M6PR: variants seen among roughly 807,000 people sequenced by gnomAD.
M6PR encodes cation-dependent mannose-6-phosphate receptor.
Under a neutral mutation model 33.1 loss-of-function variants are expected in M6PR, and 19 were observed. That is an observed-to-expected ratio of 0.57 (90% CI 0.40 to 0.84). The LOEUF (loss-of-function observed/expected upper bound fraction) is 0.84, where lower values mean the gene tolerates loss of function less well. M6PR is among the 40% of genes least tolerant of loss of function. The pLI is 0.00. For missense variants in M6PR, 295 were observed against 336.0 expected (o/e 0.88, Z 0.95); for synonymous variants, 111 against 123.4 (o/e 0.90, Z 0.67).
intron 1 of M6PR, chr12:8,946,728 T>C (rs1341532792): frequency 9.9e-6 from 2 of 202,006 alleles, no homozygotes; most frequent in African/African-American, 4.6e-5. Flanking sequence ...CTTTACTGTT[T>C]GATGGCTTGA....
At position 8,945,518 on chromosome 12, in the gene M6PR, A is replaced by T; in HGVS notation, c.243T>A (p.Ala81=). 6.2e-7 allele frequency: 1 copy of T among 1,614,116 alleles called. No homozygotes were observed. Among genetic ancestry groups the T allele is most frequent in the African/African-American group, 1.3e-5 (1 of 75,020 alleles). Residue 81 remains alanine, a synonymous_variant, in exon 3 of 7, where the codon GCT becomes GCA. Transcript: ENST00000000412. ...YIYIFRVCRE[A]GNHTSGAGLV... ...GGCCTGCCCCAGAAGTGTGGTTGCC[A>T]GCTTCCCGGCACACCCTGAAGATGT...
intron 6 of M6PR, 180 bp from the exon 7 acceptor site, chr12:8,942,120 CT>C: frequency 1.3e-6 from 1 of 743,534 alleles, no homozygotes; most frequent in East Asian, 2.7e-5. Flanking sequence ...AAAGTTTCTT[CT>C]TATTAGGCCT....
intron 3 of M6PR, among the ~76,000 whole-genome samples, chr12:8,944,638 C>A (rs1805728): frequency 0.36 from 54,007 of 151,914 alleles, 10,086 homozygotes; most frequent in Admixed American, 0.42. Context: ...TTACATGGTC[C>A]TCTCCAGCAA....
At chr12:8,946,187 CAT>C (rs1304411238) in intron 2 of M6PR, 40 bp downstream of exon 2, 3 of 1,563,604 alleles carry the variant, frequency 1.9e-6, no homozygotes, top group Non-Finnish European at 2.6e-6. Flanking sequence ...AAGACTTTAA[CAT>C]AAATATTTTC....
intron 3 of M6PR, among the ~76,000 whole-genome samples, chr12:8,944,318 T>G (rs112572619): frequency 3.3e-5 from 5 of 152,340 alleles, no homozygotes; most frequent in African/African-American, 9.6e-5. Flanking sequence ...AGAGTGGATA[T>G]CTAAGATTGG....
chr12:8,945,995 A>G (rs1229344754), intron 2 of M6PR, among the ~76,000 whole-genome samples: 1 of 152,188 alleles, frequency 6.6e-6, no homozygotes, highest in Non-Finnish European at 1.5e-5. Flanking sequence ...CTAAAGTCCT[A>G]TTATATGTAG....
At chr12:8,942,244 G>A in intron 6 of M6PR, 172 bp downstream of exon 6, 3 of 812,756 alleles carry the variant, frequency 3.7e-6, no homozygotes, top group Admixed American at 2.7e-5. Context: ...AATGGATGCT[G>A]TGCCACTTAC....
In M6PR at chr12:8,949,019, C is replaced by T. The variant is rs1028824984; in HGVS notation, c.-2+469G>A. On this transcript the variant is annotated intron_variant, in intron 1 of 6. Coordinates refer to ENST00000000412, the MANE Select transcript of M6PR (RefSeq NM_002355.4). The surrounding 1 kb of genome is among the most constrained non-coding windows in gnomAD (Gnocchi z 5.6). ...CCACAACGAGGAACACAAGATAATCCGTCCATCAGCCATTCTTATCCACAC... is the reference window on the plus strand; with the variant it reads ...CCACAACGAGGAACACAAGATAATCTGTCCATCAGCCATTCTTATCCACAC... Among the ~76,000 whole-genome samples the T allele has an allele frequency of 1.3e-5, 2 of 152,186 alleles. No homozygotes were observed. Among genetic ancestry groups the T allele is most frequent in the Non-Finnish European group, 2.9e-5 (2 of 68,030 alleles).
Position 8,941,513 on chromosome 12 carries a change from C to T in M6PR, c.*305G>A. On this transcript the variant is annotated 3_prime_UTR_variant, in exon 7 of 7. Coordinates refer to ENST00000000412, the MANE Select transcript of M6PR (RefSeq NM_002355.4). ...AAACAAACGGCCAGTGAGCCTGCTA[C>T]ACCATTTTGCCCATATGCCTATTGT... The T allele has an allele frequency of 3.9e-6, 1 of 256,512 alleles. No homozygotes were observed. Among genetic ancestry groups the T allele is most frequent in the Non-Finnish European group, 7.4e-6 (1 of 135,192 alleles). 15.9% of individuals were successfully genotyped at this position (256,512 alleles called of 1,614,324 possible).
intron 3 of M6PR, among the ~76,000 whole-genome samples, chr12:8,944,691 T>C (rs945833736): frequency 3.3e-5 from 5 of 152,042 alleles, no homozygotes; most frequent in African/African-American, 1.2e-4. Context: ...CAAAAATCAG[T>C]GGGTAAAGTT....
intron 2 of M6PR, among the ~76,000 whole-genome samples, chr12:8,945,883 G>A (rs1339118964): frequency 2.6e-5 from 4 of 152,086 alleles, no homozygotes; most frequent in African/African-American, 7.2e-5. Flanking sequence ...CATGTTCATC[G>A]GATAGTCTCG....
chr12:8,942,052 T>C (rs1174776429), intron 6 of M6PR, 112 bp from the exon 7 acceptor site: 14 of 1,182,134 alleles, frequency 1.2e-5, no homozygotes, highest in Non-Finnish European at 1.7e-5. Context: ...ATAGGGATAA[T>C]GAGAAAACCT....
intron 3 of M6PR, among the ~76,000 whole-genome samples, chr12:8,945,046 T>C (rs939445119): frequency 6.6e-6 from 1 of 152,194 alleles, no homozygotes; most frequent in African/African-American, 2.4e-5. Context: ...TAGTCCCAGC[T>C]ACTCAGGAGG....
chr12:8,943,842 G>C lies in M6PR; in HGVS notation c.412C>G (p.Arg138Gly), dbSNP rs145135342. Residue 138 changes from arginine to glycine, a missense_variant, in exon 4 of 7, where the codon CGT becomes GGT. Transcript: ENST00000000412. ...TTGCAGGAGATCATCACCACTGCAC[G>C]ACGCTGCTCCTTGCCACAGTGGTTG... ...YDNHCGKEQR[R>G]AVVMISCNRH... is the part of the protein sequence containing the mutation. The C allele has an allele frequency of 6.8e-6, 11 of 1,613,474 alleles. No individual in the cohort carries two copies. Among genetic ancestry groups the C allele is most frequent in the Non-Finnish European group, 9.3e-6 (11 of 1,180,026 alleles).
chr12:8,942,577 T>C (rs1039931874), intron 5 of M6PR, 35 bp from the exon 6 acceptor site: 1 of 1,604,232 alleles, frequency 6.2e-7, no homozygotes, highest in Admixed American at 1.7e-5. Context: ...ACTTAAGAAC[T>C]GGGAAATAGT....
At chr12:8,943,945 G>T in intron 3 of M6PR, 35 bp from the exon 4 acceptor site, 1 of 1,429,414 alleles carries the variant, frequency 7.0e-7, no homozygotes, top group Non-Finnish European at 9.9e-7. Flanking sequence ...GCTATGGGGT[G>T]GGGGAAAAGC....
chr12:8,941,858 T>C lies in M6PR; in HGVS notation c.794A>G (p.Glu265Gly). The C allele has an allele frequency of 6.2e-7, 1 of 1,613,858 alleles. No individual in the cohort carries two copies. Among genetic ancestry groups the C allele is most frequent in the Non-Finnish European group, 8.5e-7 (1 of 1,179,964 alleles). The stretch of plus-strand genomic sequence containing the variant: ...ATGGTCATCCCTTTCTTCTGACTCC[T>C]CCCCCAGCTGGTCATCCCCCACACC... The part of the protein sequence containing the change: ...YRGVGDDQLG[E>G]ESEERDDHLL... The change falls in exon 7 of 7, where the codon GAG becomes GGG. Residue 265 changes from glutamate to glycine, a missense_variant. By Grantham distance (98) the Glu-to-Gly change is moderately conservative. Transcript: ENST00000000412.
In M6PR at chr12:8,942,472, C is replaced by G; in HGVS notation, c.655G>C (p.Gly219Arg). ...LYQRLVVGAKGMEQFPHLAFW... is the reference protein window; with the variant it reads ...LYQRLVVGAKRMEQFPHLAFW... The stretch of plus-strand genomic sequence containing the variant: ...GCTAAGTGGGGAAACTGCTCCATTC[C>G]TTTGGCTCCCACTACCAGTCGCTGG... Residue 219 changes from glycine to arginine, a missense_variant, in exon 6 of 7, where the codon GGA becomes CGA. Gly to Arg is a moderately radical substitution (Grantham distance 125). Coordinates refer to ENST00000000412, the MANE Select transcript of M6PR (RefSeq NM_002355.4). 1 of 1,614,216 alleles carries G rather than the reference C, an allele frequency of 6.2e-7. No homozygotes were observed. The highest frequency in any genetic ancestry group is 1.1e-5 in the South Asian group (1 of 91,086).
At chr12:8,942,648 T>A in intron 5 of M6PR, 106 bp from the exon 6 acceptor site, 1 of 1,250,334 alleles carries the variant, frequency 8.0e-7, no homozygotes, top group Non-Finnish European at 1.1e-6. Context: ...ATACATTCCC[T>A]GAAAAGGAAA....
Sources: gnomAD v4.1 joint callset for allele counts (sites outside exome capture counted in the v4.1 genomes callset) on GRCh38, gnomAD v4.1.1 for gene constraint, Gnocchi (gnomAD v3.1) non-coding constraint, MANE v1.5 for transcripts, NCBI Gene and HGNC (gene_info 2026-07-23, HGNC 2026-07-21) for gene names.